Variants in CCDC93 observed in about 807,000 individuals in gnomAD.
CCDC93 encodes the protein coiled-coil domain-containing protein 93.
In CCDC93, 61 loss-of-function variants were observed where a neutral mutation model predicts 108.2. That is an observed-to-expected ratio of 0.56 (90% CI 0.46 to 0.70). The LOEUF is 0.70. Among genes scored for constraint, CCDC93 ranks in the 30% least tolerant of loss-of-function variants. The pLI is 0.00. For synonymous variants in CCDC93, 276 were observed against 260.4 expected (o/e 1.06, Z -0.58); for missense variants, 685 against 764.2 (o/e 0.90, Z 1.22).
chr2:117,977,600 G>A (rs887417310), intron 8 of CCDC93, among the ~76,000 whole-genome samples: 3 of 152,222 alleles, frequency 2.0e-5, no homozygotes, highest in Non-Finnish European at 4.4e-5. Flanking sequence ...GGCTGTTTCA[G>A]CAGAGGGCAG....
chr2:117,998,379 C>T (rs1009493949), intron 4 of CCDC93: 4 of 152,084 alleles, frequency 2.6e-5, no homozygotes, highest in African/African-American at 9.7e-5. Flanking sequence ...TGAGTTTCAT[C>T]ATAGTTAAAT....
chr2:117,964,983 T>C (rs1020576211), intron 11 of CCDC93, among the ~76,000 whole-genome samples: 3 of 152,206 alleles, frequency 2.0e-5, no homozygotes, highest in Admixed American at 2.0e-4. Context: ...GTATTTATTA[T>C]GAATGAAGCA....
rs750915998 is a variant in CCDC93, at chr2:117,931,016, G to A, written c.1842+21C>T. On this transcript the variant is annotated intron_variant, in intron 23 of 23. Transcript: ENST00000376300. ...ATATATCTCACGTTAGCCTTAATGT[G>A]CTACCCAGCCTTCCTCTTACCTCCT... 7.4e-6 allele frequency: 11 copies of A among 1,486,008 alleles called. 1 individual carries two copies. The Admixed American group carries it at 9.0e-5, about 12-fold the overall frequency. 92.1% of individuals were successfully genotyped at this position (1,486,008 alleles called of 1,614,324 possible). A position where few individuals can be genotyped will look rare whatever the true frequency, so the allele number is the denominator to read the frequency against.
chr2:117,955,398 T>C (rs1336651061), intron 12 of CCDC93, among the ~76,000 whole-genome samples: 1 of 65,444 alleles, frequency 1.5e-5, no homozygotes. Flanking sequence ...ATCCCTCACA[T>C]ACTACAGGTA....
In CCDC93 at chr2:117,935,669, G is replaced by A. The variant is rs1338830803; in HGVS notation, c.1644-90C>T. 5 of 972,852 alleles carry A rather than the reference G, an allele frequency of 5.1e-6. No homozygotes were observed. The African/African-American group carries it at 8.0e-5, about 16-fold the overall frequency. 60.3% of individuals were successfully genotyped at this position (972,852 alleles called of 1,614,324 possible). A position where few individuals can be genotyped will look rare whatever the true frequency, so the allele number is the denominator to read the frequency against. On this transcript the variant is annotated intron_variant, in intron 21 of 23. Transcript: ENST00000376300. ...GCAGTCAGCTCTGTATCCAGATTAT[G>A]ACTCTTAGGAGAGGCAATCAGGTCT...
chr2:117,932,477 A>T (rs1470081082), intron 22 of CCDC93, among the ~76,000 whole-genome samples: 1 of 152,166 alleles, frequency 6.6e-6, no homozygotes, highest in African/African-American at 2.4e-5. Flanking sequence ...GACCCACCAC[A>T]TATGGGGACT....
At chr2:117,983,750 A>C (rs1323653180) in intron 7 of CCDC93, among the ~76,000 whole-genome samples, 5 of 146,792 alleles carry the variant, frequency 3.4e-5, no homozygotes, top group African/African-American at 1.3e-4. Context: ...TAGAGGAAAC[A>C]GACTGCCAGA....
intron 11 of CCDC93, among the ~76,000 whole-genome samples, chr2:117,962,578 G>T (rs1340623922): frequency 6.6e-6 from 1 of 152,236 alleles, no homozygotes; most frequent in Non-Finnish European, 1.5e-5. Context: ...AGGAGGTGGA[G>T]GTTGCAGTGA....
At chr2:117,967,879 C>G (rs983330810) in intron 11 of CCDC93, among the ~76,000 whole-genome samples, 2 of 152,004 alleles carry the variant, frequency 1.3e-5, no homozygotes, top group African/African-American at 4.8e-5. Context: ...TGGAGGAAGG[C>G]AGAGGATTAT....
At chr2:117,955,891 G>T (rs1003224900) in intron 12 of CCDC93, among the ~76,000 whole-genome samples, 8 of 152,174 alleles carry the variant, frequency 5.3e-5, no homozygotes, top group African/African-American at 1.9e-4. Context: ...AAACAGGTTT[G>T]CCAGGAAACA....
chr2:118,004,593 G>C (rs559498198), intron 3 of CCDC93, among the ~76,000 whole-genome samples: 2 of 152,292 alleles, frequency 1.3e-5, no homozygotes, highest in African/African-American at 4.8e-5. Flanking sequence ...TATGGTGGGG[G>C]GGAACACCAA....
At chr2:117,932,847 T>A (rs1678392693) in intron 22 of CCDC93, among the ~76,000 whole-genome samples, 1 of 152,240 alleles carries the variant, frequency 6.6e-6, no homozygotes, top group African/African-American at 2.4e-5. Flanking sequence ...ACATCTTTTC[T>A]GCTGCACTGG....
At chr2:117,993,373 G>A (rs1044903538) in intron 6 of CCDC93, among the ~76,000 whole-genome samples, 7 of 146,628 alleles carry the variant, frequency 4.8e-5, no homozygotes, top group African/African-American at 1.8e-4. Flanking sequence ...TTCAGCCTGG[G>A]AGACAGCGAG....
chr2:117,939,428 T>C (rs1428585167), intron 19 of CCDC93, among the ~76,000 whole-genome samples: 3 of 152,334 alleles, frequency 2.0e-5, no homozygotes, highest in Middle Eastern at 3.4e-3. Context: ...TATTTGATAA[T>C]AACACATTGA....
At chr2:118,013,062 A>G (rs1490258156) in intron 1 of CCDC93, 3 of 152,266 alleles carry the variant, frequency 2.0e-5, no homozygotes, top group African/African-American at 7.2e-5. Context: ...AGAATCCAGT[A>G]AACTAGACTA....
intron 19 of CCDC93, 59 bp from the exon 20 acceptor site, chr2:117,939,170 C>T (rs1678619251): frequency 1.0e-6 from 1 of 1,003,176 alleles, no homozygotes. Context: ...ACCCTACCTG[C>T]CCCTCTCCTC....
chr2:117,974,941 A>T, intron 9 of CCDC93, 41 bp from the exon 10 acceptor site: 1 of 1,515,590 alleles, frequency 6.6e-7, no homozygotes, highest in Middle Eastern at 1.7e-4. Flanking sequence ...AGTGGTTCTG[A>T]ACATGTAAGA....
chr2:117,948,939 C>T (rs1678963101), intron 14 of CCDC93, among the ~76,000 whole-genome samples: 1 of 152,204 alleles, frequency 6.6e-6, no homozygotes, highest in South Asian at 2.1e-4. Context: ...GAGGCACGAG[C>T]TGTTTAAAAA....
At chr2:117,994,146 G>C (rs1043493348) in intron 6 of CCDC93, among the ~76,000 whole-genome samples, 2 of 152,160 alleles carry the variant, frequency 1.3e-5, no homozygotes, top group Non-Finnish European at 2.9e-5. Context: ...TAAAAACATG[G>C]AAGAAATATG....
Sources: allele counts gnomAD v4.1 joint callset (sites outside exome capture counted in the v4.1 genomes callset), GRCh38; gene constraint gnomAD v4.1.1; transcripts MANE v1.5; gene names NCBI Gene and HGNC (gene_info 2026-07-23, HGNC 2026-07-21).